DLG2: variants seen among roughly 807,000 people sequenced by gnomAD.
DLG2 encodes disks large homolog 2.
DLG2 carries 45 observed loss-of-function variants against 132.5 expected under a neutral mutation model. The ratio of observed to expected loss-of-function variants is 0.34; its 90% CI spans 0.27 to 0.44. The LOEUF (loss-of-function observed/expected upper bound fraction) is 0.44, where lower values mean the gene tolerates loss of function less well. DLG2 is among the 20% of genes least tolerant of loss of function. The probability of loss-of-function intolerance (pLI) is 1.00; values close to 1 mark genes in which losing one functional copy is unlikely to be tolerated. For missense variants in DLG2, 1,045 were observed against 1,196.9 expected (o/e 0.87, Z 1.87); for synonymous variants, 424 against 419.6 (o/e 1.01, Z -0.13).
chr11:83,668,299 T>C (rs562546913), intron 18 of DLG2, among the ~76,000 whole-genome samples: 16 of 152,266 alleles, frequency 1.1e-4, no homozygotes, highest in Non-Finnish European at 2.2e-4. Context: ...TTTTCAATTC[T>C]TCCTCTCCAG....
chr11:84,063,726 A>G (rs886403804), intron 10 of DLG2, among the ~76,000 whole-genome samples: 3 of 152,182 alleles, frequency 2.0e-5, no homozygotes, highest in Admixed American at 6.5e-5. Flanking sequence ...ATGTCCATCA[A>G]TGATAGACTG....
At chr11:85,498,001 C>T (rs2093707603) in intron 3 of DLG2, among the ~76,000 whole-genome samples, 1 of 152,170 alleles carries the variant, frequency 6.6e-6, no homozygotes, top group Non-Finnish European at 1.5e-5. Flanking sequence ...ACCATCGATG[C>T]TATGAAGAAA....
intron 3 of DLG2, among the ~76,000 whole-genome samples, chr11:85,286,453 C>T (rs2078564212): frequency 6.6e-6 from 1 of 152,004 alleles, no homozygotes; most frequent in African/African-American, 2.4e-5. Context: ...TTCCTTGCTC[C>T]ATCTGCTGAG....
intron 6 of DLG2, among the ~76,000 whole-genome samples, chr11:84,558,995 TC>T (rs929175672): frequency 4.6e-5 from 7 of 152,128 alleles, no homozygotes; most frequent in African/African-American, 1.7e-4. Flanking sequence ...ATCTTTTTTC[TC>T]CCCAAAAGCT....
intron 3 of DLG2, among the ~76,000 whole-genome samples, chr11:85,506,887 G>A (rs1233693773): frequency 6.6e-6 from 1 of 151,994 alleles, no homozygotes; most frequent in Non-Finnish European, 1.5e-5. Flanking sequence ...CTTGCTTTAT[G>A]AATCTGGGTG....
chr11:84,772,734 T>A (rs1404437656), intron 6 of DLG2, among the ~76,000 whole-genome samples: 2 of 152,072 alleles, frequency 1.3e-5, no homozygotes, highest in Non-Finnish European at 2.9e-5. Flanking sequence ...AATAAAAAAA[T>A]TCTTTGAAAT....
chr11:84,274,083 G>A (rs536634914), intron 7 of DLG2, among the ~76,000 whole-genome samples: 2 of 152,268 alleles, frequency 1.3e-5, no homozygotes, highest in East Asian at 3.9e-4. Flanking sequence ...TAATTCCAAA[G>A]AAATATGCAT....
intron 18 of DLG2, chr11:83,725,273 T>C (rs1422205035): frequency 2.5e-5 from 5 of 201,184 alleles, no homozygotes; most frequent in Non-Finnish European, 5.1e-5. Flanking sequence ...GAAGAATTCT[T>C]ATCTCCAAAT....
rs533152952 is a variant in DLG2 at position 85,488,551 on chromosome 11, C to T, written c.40+110106G>A. On this transcript the variant is annotated intron_variant, in intron 3 of 27. Coordinates refer to ENST00000376104, the MANE Select transcript of DLG2 (RefSeq NM_001142699.3). The stretch of plus-strand genomic sequence containing the variant: ...CATGTCTTCATCAGCAGTGTGAAAA[C>T]GGACCAATACACTGTCTAAATTCAA... Among the ~76,000 whole-genome samples the T allele has an allele frequency of 2.3e-3, 356 of 152,254 alleles. 4 individuals carry two copies. Among genetic ancestry groups the T allele is most frequent in the South Asian group, 0.014 (69 of 4,820 alleles).
intron 21 of DLG2, among the ~76,000 whole-genome samples, chr11:83,530,069 T>C (rs1018122641): frequency 4.6e-4 from 68 of 149,390 alleles, no homozygotes; most frequent in African/African-American, 1.7e-3. Flanking sequence ...CTCTCACATA[T>C]ATCCAACTCT....
chr11:83,648,153 G>A (rs1462897053), intron 18 of DLG2: 1 of 152,152 alleles, frequency 6.6e-6, no homozygotes, highest in Non-Finnish European at 1.5e-5. Flanking sequence ...AGGACTCCCT[G>A]TTGATTAGGG....
At chr11:84,943,357 T>TCTGCCTTCCTAACTGCCTGCCTTC (rs1288028438) in intron 6 of DLG2, among the ~76,000 whole-genome samples, 1 of 151,956 alleles carries the variant, frequency 6.6e-6, no homozygotes, top group African/African-American at 2.4e-5. Flanking sequence ...TGCCTGCCTT[T>TCTGCCTTCCTAACTGCCTGCCTTC]CTGCCTTCCT....
intron 5 of DLG2, among the ~76,000 whole-genome samples, chr11:85,125,305 A>T (rs1021045781): frequency 6.6e-6 from 1 of 152,206 alleles, no homozygotes; most frequent in Non-Finnish European, 1.5e-5. Context: ...CACAGAATCA[A>T]AAAGGGCTAA....
chr11:84,103,819 T>C (rs2092710243), intron 9 of DLG2, among the ~76,000 whole-genome samples: 1 of 152,150 alleles, frequency 6.6e-6, no homozygotes, highest in Admixed American at 6.6e-5. Context: ...AATGGGGTTA[T>C]ATATAATAAA....
chr11:85,533,476 T>TATAA (rs1233917527), intron 3 of DLG2, among the ~76,000 whole-genome samples: 2 of 148,558 alleles, frequency 1.3e-5, no homozygotes, highest in African/African-American at 2.5e-5. Flanking sequence ...TATATATATA[T>TATAA]AATTCTTTTT....
At chr11:84,836,128 T>C (rs1209997752) in intron 6 of DLG2, among the ~76,000 whole-genome samples, 1 of 151,756 alleles carries the variant, frequency 6.6e-6, no homozygotes, top group African/African-American at 2.4e-5. Flanking sequence ...CTCTGTAAAA[T>C]ATGGATGATT....
chr11:85,331,124 C>T (rs1440814065), intron 3 of DLG2, among the ~76,000 whole-genome samples: 1 of 152,090 alleles, frequency 6.6e-6, no homozygotes, highest in Non-Finnish European at 1.5e-5. Context: ...TTTATTTTTT[C>T]CAAGAATATA....
intron 18 of DLG2, among the ~76,000 whole-genome samples, chr11:83,718,632 T>C (rs1254886420): frequency 6.7e-6 from 1 of 148,352 alleles, no homozygotes; most frequent in African/African-American, 2.5e-5. Context: ...GAAATGACAA[T>C]GGGTTTCTTA....
chr11:84,140,671 G>T (rs1371990125), intron 9 of DLG2, among the ~76,000 whole-genome samples: 1 of 152,006 alleles, frequency 6.6e-6, no homozygotes, highest in Non-Finnish European at 1.5e-5. Context: ...CAAACATTAA[G>T]GAATAATCAC....
Sources: gnomAD v4.1 joint callset for allele counts (sites outside exome capture counted in the v4.1 genomes callset) on GRCh38, gnomAD v4.1.1 for gene constraint, MANE v1.5 for transcripts, NCBI Gene and HGNC (gene_info 2026-07-23, HGNC 2026-07-21) for gene names.